ARHGEF2: variants seen among roughly 807,000 people sequenced by gnomAD.
ARHGEF2 encodes the protein Rho/Rac guanine nucleotide exchange factor 2.
ARHGEF2 carries 22 observed loss-of-function variants against 121.0 expected under a neutral mutation model. That is an observed-to-expected ratio of 0.18 (90% CI 0.13 to 0.26). ARHGEF2 has a LOEUF of 0.26. Among genes scored for constraint, ARHGEF2 ranks in the 10% least tolerant of loss-of-function variants. The pLI, the probability that ARHGEF2 is intolerant of heterozygous loss-of-function variation, is 1.00. For missense variants in ARHGEF2, 907 were observed against 1,336.0 expected (o/e 0.68, Z 5.01); for synonymous variants, 487 against 530.0 (o/e 0.92, Z 1.11).
At chr1:155,966,382 C>A in intron 4 of ARHGEF2, 34 bp downstream of exon 4, 1 of 1,611,388 alleles carries the variant, frequency 6.2e-7, no homozygotes, top group Non-Finnish European at 8.5e-7. Flanking sequence ...GGTCCAGGGT[C>A]TTAGGGGACC....
chr1:155,962,016 C>T lies in ARHGEF2; in HGVS notation c.1219+89G>A, dbSNP rs1038986798. On this transcript the variant is annotated intron_variant, in intron 10 of 21. Transcript: ENST00000361247. The surrounding 1 kb of genome is among the most constrained non-coding windows in gnomAD (Gnocchi z 5.8). Reference sequence around the variant, plus strand: ...TAGAGGCTGCCCAGGGTTTCACACCCGACCCCACCCTTCCTGTGGTCATAC... The same window carrying T: ...TAGAGGCTGCCCAGGGTTTCACACCTGACCCCACCCTTCCTGTGGTCATAC... 18 of 1,601,320 alleles carry T rather than the reference C, an allele frequency of 1.1e-5. No individual in the cohort carries two copies. In the African/African-American group the frequency reaches 1.3e-4, roughly 12 times the overall value.
chr1:155,978,338 C>A lies in ARHGEF2; in HGVS notation c.63+27G>T. The stretch of plus-strand genomic sequence containing the variant: ...TTCGGGGAGCACCCGAGGACCGCGG[C>A]GAAAGGAGAGGGGTTTCCGAGCCCA... On this transcript the variant is annotated intron_variant, in intron 1 of 21. Coordinates refer to ENST00000361247, the MANE Select transcript of ARHGEF2 (RefSeq NM_001162383.2). The surrounding 1 kb of genome is among the most constrained non-coding windows in gnomAD (Gnocchi z 4.1). 6.7e-7 allele frequency: 1 copy of A among 1,494,044 alleles called. No homozygotes were observed. Among genetic ancestry groups the A allele is most frequent in the Non-Finnish European group, 9.0e-7 (1 of 1,108,102 alleles). 92.5% of individuals were successfully genotyped at this position (1,494,044 alleles called of 1,614,324 possible). A position where few individuals can be genotyped will look rare whatever the true frequency, so the allele number is the denominator to read the frequency against.
intron 1 of ARHGEF2, chr1:155,969,957 T>TC (rs912230967): frequency 1.0e-6 from 1 of 985,216 alleles, no homozygotes; most frequent in African/African-American, 1.7e-5. Context: ...AGGCAGCATG[T>TC]CCCCTACTAA....
rs1216027269 is a variant in ARHGEF2 at position 155,952,760 on chromosome 1, T to C, written c.1852A>G (p.Met618Val). 1.2e-6 allele frequency: 2 copies of C among 1,614,166 alleles called. No homozygotes were observed. The highest frequency in any genetic ancestry group is 1.1e-5 in the South Asian group (1 of 91,082). The change falls in exon 15 of 22, where the codon ATG becomes GTG. Residue 618 changes from methionine to valine, a missense_variant. Physicochemically the swap from Met to Val is conservative, Grantham distance 21. Around this residue, in one of 2 missense-constraint regions of ARHGEF2, gnomAD observed 432 missense variants for 559.5 expected, o/e 0.77. Transcript: ENST00000361247. ...LREKVGLFAE[M>V]THFQAEEDGG... Reference sequence around the variant, plus strand: ...TCCTCTTCGGCCTGGAAATGGGTCATCTCAGCAAACAGCCCGACCTTCTCT... The same window carrying C: ...TCCTCTTCGGCCTGGAAATGGGTCACCTCAGCAAACAGCCCGACCTTCTCT...
upstream of ARHGEF2, chr1:155,979,027 C>T (rs12742606): frequency 1.0e-6 from 1 of 985,500 alleles, no homozygotes; most frequent in African/African-American, 1.7e-5. Context: ...CCTGAGCAGA[C>T]TGACCCCTTT....
Position 155,957,705 on chromosome 1 carries a change from A to C in ARHGEF2, c.1715+8T>G. The stretch of plus-strand genomic sequence containing the variant: ...ATAAGCACATGCAGGCGGCAGGCAG[A>C]CACTCACGTGCGCACGCTCTGCTGA... On this transcript the variant is annotated splice_region_variant and intron_variant, in intron 13 of 21. Transcript: ENST00000361247. 6.2e-7 allele frequency: 1 copy of C among 1,605,662 alleles called. No individual in the cohort carries two copies. Among genetic ancestry groups the C allele is most frequent in the Non-Finnish European group, 8.5e-7 (1 of 1,176,586 alleles).
At chr1:155,976,108 T>A (rs935973154) in intron 1 of ARHGEF2, among the ~76,000 whole-genome samples, 2 of 151,780 alleles carry the variant, frequency 1.3e-5, no homozygotes, top group African/African-American at 2.4e-5. Context: ...AGGCAAGGAA[T>A]GGGGAGGGGC....
intron 7 of ARHGEF2, among the ~76,000 whole-genome samples, chr1:155,964,422 G>A (rs551119564): frequency 1.3e-5 from 2 of 151,452 alleles, no homozygotes; most frequent in South Asian, 2.1e-4. Context: ...TCTACATGTC[G>A]AGGCTTCCCA....
chr1:155,949,671 G>A (rs924351066), intron 21 of ARHGEF2, among the ~76,000 whole-genome samples: 20 of 151,526 alleles, frequency 1.3e-4, no homozygotes, highest in African/African-American at 4.4e-4. Context: ...GAGGTCAGCC[G>A]TTCAAGACCA....
chr1:155,966,360 T>C, intron 4 of ARHGEF2, 56 bp downstream of exon 4: 7 of 1,573,992 alleles, frequency 4.4e-6, no homozygotes, highest in Non-Finnish European at 6.1e-6. Flanking sequence ...GCCCATGGGT[T>C]GAGCAGCCTG....
Position 155,961,762 on chromosome 1 carries a change from G to A in ARHGEF2, c.1367C>T (p.Pro456Leu). The change falls in exon 11 of 22, where the codon CCA (proline) becomes CTA (leucine). Residue 456 changes from proline to leucine, a missense_variant. Coordinates refer to ENST00000361247, the MANE Select transcript of ARHGEF2 (RefSeq NM_001162383.2). This position sits in a 1 kb window ranked among gnomAD's most constrained non-coding sequence, Gnocchi z 4.7. ...YNRMDPRAQTPVPGKGPFGRE... is the reference protein window; with the variant it reads ...YNRMDPRAQTLVPGKGPFGRE... ...GCCAAAGGGGCCCTTGCCAGGCACT[G>A]GGGTTTGGGCCCGAGGGTCCATGCG... 6.2e-7 allele frequency: 1 copy of A among 1,614,234 alleles called. No homozygotes were observed. The highest frequency in any genetic ancestry group is 8.5e-7 in the Non-Finnish European group (1 of 1,180,032).
At position 155,951,912 on chromosome 1, in the gene ARHGEF2, GA is replaced by G; in HGVS notation, c.2172+6del. 1 of 1,613,970 alleles carries G rather than the reference GA, an allele frequency of 6.2e-7. No individual in the cohort carries two copies. The highest frequency in any genetic ancestry group is 1.3e-5 in the African/African-American group (1 of 75,026). On this transcript the variant is annotated splice_donor_region_variant and intron_variant, in intron 17 of 21. Coordinates refer to ENST00000361247, the MANE Select transcript of ARHGEF2 (RefSeq NM_001162383.2). The surrounding 1 kb of genome is among the most constrained non-coding windows in gnomAD (Gnocchi z 5.1). ...TTGCCAAGTCCCAGAACCTCTTGAG[GA>G]CCTACCCTCTGGCTAGAGTCTGAGT... is the stretch of plus-strand genomic sequence containing the variant.
At position 155,951,995 on chromosome 1, in the gene ARHGEF2, A is replaced by G. The variant is rs1675566046; in HGVS notation, c.2105-9T>C. 1 of 1,613,918 alleles carries G rather than the reference A, an allele frequency of 6.2e-7. No homozygotes were observed. Among genetic ancestry groups the G allele is most frequent in the Non-Finnish European group, 8.5e-7 (1 of 1,179,982 alleles). ...GGTTCTGGCCTCACCATCTGTTGAG[A>G]AGGAGAAAAGGATGGCTGAGCTCAC... On this transcript the variant is annotated splice_polypyrimidine_tract_variant and intron_variant, in intron 16 of 21. Transcript: ENST00000361247. This position sits in a 1 kb window ranked among gnomAD's most constrained non-coding sequence, Gnocchi z 5.1.
chr1:155,958,750 G>A (rs1254424491), intron 11 of ARHGEF2, among the ~76,000 whole-genome samples: 1 of 151,568 alleles, frequency 6.6e-6, no homozygotes, highest in Non-Finnish European at 1.5e-5. Flanking sequence ...GGCTAATTTT[G>A]TATTTTTAGT....
Position 155,957,859 on chromosome 1 carries a change from C to T in ARHGEF2, c.1569G>A (p.Leu523=), listed in dbSNP as rs144698570. 9.9e-6 allele frequency: 16 copies of T among 1,613,894 alleles called. No homozygotes were observed. The highest frequency in any genetic ancestry group is 1.6e-4 in the Middle Eastern group (1 of 6,084). Residue 523 remains leucine (L), a synonymous_variant, in exon 13 of 22, where the codon CTG becomes CTA. Coordinates refer to ENST00000361247, the MANE Select transcript of ARHGEF2 (RefSeq NM_001162383.2). ...PTLDKPSVVS[L]QNLIVRDIAN... ...CAATGTCTCGTACGATTAGATTCTG[C>T]AGCGATACCACTGAAGGCTTGTCCT...
chr1:155,956,527 T>C (rs1271804400), intron 13 of ARHGEF2, among the ~76,000 whole-genome samples: 1 of 151,868 alleles, frequency 6.6e-6, no homozygotes, highest in East Asian at 1.9e-4. Context: ...AAAGAAAAAT[T>C]ATAAAAATCT....
In ARHGEF2 at chr1:155,952,195, T is replaced by C; in HGVS notation, c.2025A>G (p.Glu675=). 1 of 1,614,134 alleles carries C rather than the reference T, an allele frequency of 6.2e-7. No individual in the cohort carries two copies. Among genetic ancestry groups the C allele is most frequent in the Non-Finnish European group, 8.5e-7 (1 of 1,180,012 alleles). ...CTGGCTCTCGGGGTGTCAAGAGCAG[T>C]TCCACTCCTGGCCCCACCAGCAGGT... ...LKDLLVGPGV[E]LLLTPREPAL... is the part of the protein sequence containing the mutation. The change falls in exon 16 of 22, where the codon GAA becomes GAG. Residue 675 remains glutamate (E), a synonymous_variant. Coordinates refer to ENST00000361247, the MANE Select transcript of ARHGEF2 (RefSeq NM_001162383.2).
At chr1:155,964,237 G>A (rs1267021644) in intron 7 of ARHGEF2, among the ~76,000 whole-genome samples, 43 of 132,904 alleles carry the variant, frequency 3.2e-4, no homozygotes, top group Non-Finnish European at 3.2e-4. Flanking sequence ...AGAGACAGAG[G>A]TCTTGCTTTG....
intron 7 of ARHGEF2, among the ~76,000 whole-genome samples, chr1:155,964,161 AAAAAAAATATAT>A (rs1326217389): frequency 2.1e-4 from 12 of 57,244 alleles, no homozygotes; most frequent in African/African-American, 8.8e-4. Context: ...AAAAAAAAAA[AAAAAAAATATAT>A]ATATATATAT....
Sources: allele counts gnomAD v4.1 joint callset (sites outside exome capture counted in the v4.1 genomes callset), GRCh38; gene constraint gnomAD v4.1.1; regional missense constraint gnomAD v4.1.1; non-coding constraint Gnocchi (gnomAD v3.1); transcripts MANE v1.5; gene names NCBI Gene and HGNC (gene_info 2026-07-23, HGNC 2026-07-21).